The following KCNT2 variants were observed in gnomAD, a reference collection of about 807,000 sequenced individuals.
KCNT2 encodes potassium sodium-activated channel subfamily T member 2, also known as potassium channel subfamily T member 2.
A neutral mutation model predicts 153.8 loss-of-function variants in KCNT2; 67 were observed. The observed-to-expected ratio is 0.44, with a 90% CI of 0.36 to 0.53. KCNT2 has a LOEUF of 0.53. KCNT2 is among the 20% of genes least tolerant of loss of function. The pLI, the probability that KCNT2 is intolerant of heterozygous loss-of-function variation, is 0.00. For synonymous variants in KCNT2, 500 were observed against 458.8 expected (o/e 1.09, Z -1.15); for missense variants, 975 against 1,354.8 (o/e 0.72, Z 4.40).
At chr1:196,600,053 C>T (rs1319828347) in intron 1 of KCNT2, among the ~76,000 whole-genome samples, 1 of 152,114 alleles carries the variant, frequency 6.6e-6, no homozygotes, top group African/African-American at 2.4e-5. Context: ...TGAAATTATA[C>T]TACATGTAAG....
rs1279295841 is a variant in KCNT2 at position 196,574,388 on chromosome 1, G to C, written c.95+33827C>G. ...AGCAATCCTACAAGAGAGTGAAAGAGAGTGAAAGTTCTGTCTCATTTTAGA... is the reference window on the plus strand; with the variant it reads ...AGCAATCCTACAAGAGAGTGAAAGACAGTGAAAGTTCTGTCTCATTTTAGA... On this transcript the variant is annotated intron_variant, in intron 1 of 27. Coordinates refer to ENST00000294725, the MANE Select transcript of KCNT2 (RefSeq NM_198503.5). Among the ~76,000 whole-genome samples, 3 of 151,658 alleles carry C rather than the reference G, an allele frequency of 2.0e-5. No homozygotes were observed. In the Admixed American group the frequency reaches 2.0e-4, roughly 10 times the overall value.
chr1:196,523,085 C>T (rs748536954), intron 1 of KCNT2, among the ~76,000 whole-genome samples: 4 of 152,162 alleles, frequency 2.6e-5, no homozygotes, highest in Non-Finnish European at 4.4e-5. Context: ...TGTAACACTG[C>T]GAAGGCCTGC....
At chr1:196,540,118 T>A (rs1478754934) in intron 1 of KCNT2, among the ~76,000 whole-genome samples, 2 of 152,174 alleles carry the variant, frequency 1.3e-5, no homozygotes, top group African/African-American at 2.4e-5. Flanking sequence ...TATAGTTCTA[T>A]GCTGTTGTTG....
intron 1 of KCNT2, among the ~76,000 whole-genome samples, chr1:196,553,289 T>C (rs536942022): frequency 6.6e-6 from 1 of 150,864 alleles, no homozygotes; most frequent in Non-Finnish European, 1.5e-5. Context: ...AGACAAAAAC[T>C]ATAAGAGAAA....
chr1:196,592,269 CT>C (rs1299657598), intron 1 of KCNT2, among the ~76,000 whole-genome samples: 1 of 151,808 alleles, frequency 6.6e-6, no homozygotes, highest in Non-Finnish European at 1.5e-5. Context: ...GAAATGACAT[CT>C]TTTCACTTAT....
chr1:196,428,357 T>C (rs1303547018), intron 9 of KCNT2, 88 bp from the exon 10 acceptor site: 7 of 913,268 alleles, frequency 7.7e-6, no homozygotes, highest in Non-Finnish European at 1.0e-5. Context: ...TTAGGTATTT[T>C]CAATTTCCTA....
rs952014247 is a variant in KCNT2 at position 196,326,960 on chromosome 1, A to T, written c.2104-71T>A. 8.5e-6 allele frequency: 7 copies of T among 822,540 alleles called. No homozygotes were observed. The African/African-American group carries it at 1.3e-4, about 15-fold the overall frequency. 51.0% of individuals were successfully genotyped at this position (822,540 alleles called of 1,614,324 possible). ...TTAAAATTTGGAGAAAATTTAAGCT[A>T]TAGGAAAATGTAAAATTAATTGAAC... is the stretch of plus-strand genomic sequence containing the variant. On this transcript the variant is annotated intron_variant, in intron 18 of 27. Coordinates refer to ENST00000294725, the MANE Select transcript of KCNT2 (RefSeq NM_198503.5).
At chr1:196,301,090 G>A (rs528593775) in intron 22 of KCNT2, among the ~76,000 whole-genome samples, 5 of 152,234 alleles carry the variant, frequency 3.3e-5, no homozygotes, top group African/African-American at 1.2e-4. Flanking sequence ...TCACATCACA[G>A]GAAGCAAGAC....
intron 1 of KCNT2, among the ~76,000 whole-genome samples, chr1:196,573,485 G>A (rs1420459092): frequency 6.6e-6 from 1 of 152,020 alleles, no homozygotes; most frequent in Non-Finnish European, 1.5e-5. Flanking sequence ...CACGCCAGGA[G>A]AAAATGATCT....
intron 22 of KCNT2, among the ~76,000 whole-genome samples, chr1:196,288,555 A>G (rs1472131686): frequency 2.0e-5 from 3 of 152,082 alleles, no homozygotes; most frequent in Non-Finnish European, 4.4e-5. Context: ...GAGCAAGATA[A>G]ACTATAGTGT....
At chr1:196,524,253 C>A (rs749364044) in intron 1 of KCNT2, among the ~76,000 whole-genome samples, 1 of 152,090 alleles carries the variant, frequency 6.6e-6, no homozygotes, top group Non-Finnish European at 1.5e-5. Flanking sequence ...TGAGTAAATT[C>A]TTTAGAACTG....
chr1:196,320,529 T>C (rs533832182), intron 19 of KCNT2, among the ~76,000 whole-genome samples: 5 of 151,916 alleles, frequency 3.3e-5, no homozygotes, highest in South Asian at 4.1e-4. Context: ...AAAGGATTAG[T>C]AGGAGTTTGT....
At chr1:196,408,686 A>AT (rs1393663572) in intron 12 of KCNT2, among the ~76,000 whole-genome samples, 1 of 151,314 alleles carries the variant, frequency 6.6e-6, no homozygotes, top group African/African-American at 2.4e-5. Context: ...ATATTTGGGT[A>AT]TTTTTCAGCT....
At chr1:196,474,445 A>T (rs1045713638) in intron 5 of KCNT2, among the ~76,000 whole-genome samples, 1 of 152,152 alleles carries the variant, frequency 6.6e-6, no homozygotes, top group African/African-American at 2.4e-5. Flanking sequence ...AAACCCAACA[A>T]TATTTAGATT....
chr1:196,495,734 G>A (rs1462355750), intron 1 of KCNT2, among the ~76,000 whole-genome samples: 1 of 152,020 alleles, frequency 6.6e-6, no homozygotes, highest in Non-Finnish European at 1.5e-5. Flanking sequence ...TTTTGTCAAA[G>A]GCTTATACAA....
intron 14 of KCNT2, among the ~76,000 whole-genome samples, chr1:196,347,540 T>C (rs970259199): frequency 2.0e-5 from 3 of 152,188 alleles, no homozygotes; most frequent in African/African-American, 4.8e-5. Context: ...ACAAATCCTT[T>C]TACAGTAATG....
intron 1 of KCNT2, among the ~76,000 whole-genome samples, chr1:196,534,625 A>G (rs1484394324): frequency 3.3e-5 from 5 of 152,194 alleles, no homozygotes; most frequent in Non-Finnish European, 7.4e-5. Flanking sequence ...TTAAAATCAT[A>G]AAAGAACAGA....
intron 27 of KCNT2, 64 bp downstream of exon 27, chr1:196,235,922 G>T: frequency 1.0e-6 from 1 of 1,001,334 alleles, no homozygotes; most frequent in Non-Finnish European, 1.6e-6. Flanking sequence ...CTAAATATAA[G>T]TACAAAAATA....
At chr1:196,293,933 A>C (rs1660438826) in intron 22 of KCNT2, among the ~76,000 whole-genome samples, 1 of 152,150 alleles carries the variant, frequency 6.6e-6, no homozygotes, top group Non-Finnish European at 1.5e-5. Flanking sequence ...GATTAGGAGA[A>C]AATATTGGCA....
Sources: gnomAD v4.1 joint callset for allele counts (sites outside exome capture counted in the v4.1 genomes callset) on GRCh38, gnomAD v4.1.1 for gene constraint, MANE v1.5 for transcripts, NCBI Gene and HGNC (gene_info 2026-07-23, HGNC 2026-07-21) for gene names.